The following MDGA1 variants were observed in gnomAD, a reference collection of about 807,000 sequenced individuals.
The protein encoded by MDGA1 is MAM domain-containing glycosylphosphatidylinositol anchor protein 1.
In MDGA1, 54 loss-of-function variants were observed where a neutral mutation model predicts 101.5. The ratio of observed to expected loss-of-function variants is 0.53; its 90% CI spans 0.43 to 0.67. The LOEUF is 0.67. Ranked by LOEUF, MDGA1 falls within the 30% of genes least tolerant of loss-of-function variation. The pLI is 0.00. For missense variants in MDGA1, 1,083 were observed against 1,323.8 expected (o/e 0.82, Z 2.82); for synonymous variants, 533 against 558.3 (o/e 0.95, Z 0.64).
chr6:37,646,453 C>T, intron 10 of MDGA1, 78 bp from the exon 11 acceptor site: 1 of 1,240,296 alleles, frequency 8.1e-7, no homozygotes, highest in Non-Finnish European at 1.1e-6. Context: ...GGACAATCAC[C>T]CCTTCCGTGC....
rs766765077 is a variant in MDGA1, at chr6:37,654,437, C to G, written c.819G>C (p.Leu273=). ...GTGGGCCAGGCCCATGGGACCACTGCAGCTGGGGGAGGGGATCACCGCCTG... is the reference window on the plus strand; with the variant it reads ...GTGGGCCAGGCCCATGGGACCACTGGAGCTGGGGGAGGGGATCACCGCCTG... ...LLTGGDPLPQ[L]QWSHGPGPLP... is the part of the protein sequence containing the mutation. Residue 273 remains leucine, a synonymous_variant, in exon 6 of 17, where the codon CTG becomes CTC. Transcript: ENST00000434837. 6.2e-7 allele frequency: 1 copy of G among 1,614,034 alleles called. No individual in the cohort carries two copies. The highest frequency in any genetic ancestry group is 2.2e-5 in the East Asian group (1 of 44,888).
intron 1 of MDGA1, among the ~76,000 whole-genome samples, chr6:37,676,812 G>A (rs1347970891): frequency 1.3e-5 from 2 of 151,478 alleles, no homozygotes; most frequent in Non-Finnish European, 2.9e-5. Flanking sequence ...CAGGAGAATT[G>A]CTTGAAGCCG....
chr6:37,654,638 G>T, intron 5 of MDGA1, 95 bp from the exon 6 acceptor site: 1 of 1,574,732 alleles, frequency 6.4e-7, no homozygotes, highest in Admixed American at 1.7e-5. Context: ...GGCTGGAGAA[G>T]CCCTCAGGGG....
rs773002700 is a variant in MDGA1, at chr6:37,696,665, C to T, written c.67+80G>A. The T allele has an allele frequency of 1.2e-5, 17 of 1,398,276 alleles. No homozygotes were observed. Among genetic ancestry groups the T allele is most frequent in the Non-Finnish European group, 1.6e-5 (16 of 1,008,110 alleles). The allele number at this position is 1,398,276 out of a possible 1,614,324, so 86.6% of individuals were successfully genotyped here. On this transcript the variant is annotated intron_variant, in intron 1 of 16. Transcript: ENST00000434837. This position sits in a 1 kb window ranked among gnomAD's most constrained non-coding sequence, Gnocchi z 5.6. ...GTCCGAGTCGAGGTCTCCACCAAAC[C>T]CCGGCAGCGCGCACTTTGCGCCTCT...
intron 8 of MDGA1, chr6:37,649,777 G>A: frequency 1.9e-6 from 1 of 535,706 alleles, no homozygotes; most frequent in Non-Finnish European, 3.5e-6. Flanking sequence ...GGCACATGGT[G>A]GTAATTTTCA....
intron 9 of MDGA1, 46 bp downstream of exon 9, chr6:37,648,935 GC>G: frequency 6.5e-7 from 1 of 1,533,070 alleles, no homozygotes; most frequent in East Asian, 2.5e-5. Context: ...GCAGAGCCTG[GC>G]CCCTGGTGGG....
rs1459930328 is a variant in MDGA1, at chr6:37,646,348, C to T, written c.2074G>A (p.Ala692Thr). ...TTCTCCACACGCCGGACCGGGATGG[C>T]CTTGACCACCGCATTGTGCTGGTTC... ...QLNQHNAVVK[A>T]IPVRRVEKGQ... Residue 692 changes from alanine to threonine, a missense_variant, in exon 11 of 17, where the codon GCC becomes ACC. Ala to Thr is a moderately conservative substitution (Grantham distance 58). Transcript: ENST00000434837. The T allele has an allele frequency of 6.4e-7, 1 of 1,561,140 alleles. No individual in the cohort carries two copies. Among genetic ancestry groups the T allele is most frequent in the Admixed American group, 1.9e-5 (1 of 53,346 alleles).
At position 37,647,274 on chromosome 6, in the gene MDGA1, T is replaced by G; in HGVS notation, c.1945A>C (p.Ser649Arg). ...GAGTAGTTCTTGGACAGCTTGTGGC[T>G]GCGGGTGGGGTTGGGGGTGTCGAAG... Reference protein sequence around the residue: ...FYFDTPNPTRSHKLSKNYSYV... With the variant: ...FYFDTPNPTRRHKLSKNYSYV... The change falls in exon 10 of 17, where the codon AGC becomes CGC. Residue 649 changes from serine (S) to arginine (R), a missense_variant. Transcript: ENST00000434837. 1.3e-6 allele frequency: 2 copies of G among 1,561,102 alleles called. No individual in the cohort carries two copies. The highest frequency in any genetic ancestry group is 1.7e-6 in the Non-Finnish European group (2 of 1,152,820).
chr6:37,658,250 A>G lies in MDGA1; in HGVS notation c.377T>C (p.Val126Ala), dbSNP rs763422699. 4 of 1,593,746 alleles carry G rather than the reference A, an allele frequency of 2.5e-6. No homozygotes were observed. In the East Asian group the frequency reaches 9.0e-5, roughly 36 times the overall value. ...GAGAGGGGGCCTCAACTCACACTGC[A>G]CGTCCACGCGGATGGACTTGATGGC... ...VPAIKSIRVD[V>A]QYLDEPMLTV... Residue 126 changes from valine (V) to alanine (A), a missense_variant, in exon 3 of 17, where the codon GTG (valine) becomes GCG (alanine). Val to Ala is a moderately conservative substitution (Grantham distance 64, BLOSUM62 0). This residue lies in a region of MDGA1 where 310 missense variants were observed against 355.9 expected (regional missense o/e 0.87). Coordinates refer to ENST00000434837, the MANE Select transcript of MDGA1 (RefSeq NM_153487.4).
rs1395729969 is a variant in MDGA1 at position 37,637,210 on chromosome 6, C to T, written c.*158G>A. On this transcript the variant is annotated 3_prime_UTR_variant, in exon 17 of 17. Transcript: ENST00000434837. ...CAGGGCCTCAGTGCCTGGCCTCTGT[C>T]CTTGTTCTCTGCTCATCCTTGCAGC... 1.6e-6 allele frequency: 1 copy of T among 606,182 alleles called. No individual in the cohort carries two copies. The highest frequency in any genetic ancestry group is 3.0e-6 in the Non-Finnish European group (1 of 336,682). The allele number at this position is 606,182 out of a possible 1,614,324, so 37.6% of individuals were successfully genotyped here. A position where few individuals can be genotyped will look rare whatever the true frequency, so the allele number is the denominator to read the frequency against.
At position 37,696,808 on chromosome 6, in the gene MDGA1, C is replaced by A; in HGVS notation, c.4G>T (p.Glu2Ter). 6.4e-7 allele frequency: 1 copy of A among 1,573,038 alleles called. No homozygotes were observed. The highest frequency in any genetic ancestry group is 8.6e-7 in the Non-Finnish European group (1 of 1,158,752). ...GCCAGAAGTAGAAGGCAGGTCACCT[C>A]CATCTTCACGGCCGGTGCTTCATCC... M[E>*]VTCLLLLALI... Residue 2 changes from glutamate to a stop codon, truncating the protein, a stop_gained, in exon 1 of 17, where the codon GAG becomes TAG. Coordinates refer to ENST00000434837, the MANE Select transcript of MDGA1 (RefSeq NM_153487.4). LOFTEE classifies it high-confidence loss of function. This position sits in a 1 kb window ranked among gnomAD's most constrained non-coding sequence, Gnocchi z 5.6.
intron 14 of MDGA1, among the ~76,000 whole-genome samples, chr6:37,640,514 GT>G (rs936020333): frequency 6.6e-6 from 1 of 152,168 alleles, no homozygotes; most frequent in African/African-American, 2.4e-5. Context: ...AATTTTAAAA[GT>G]TTTTTAGTAG....
At position 37,646,306 on chromosome 6, in the gene MDGA1, A is replaced by C. The variant is rs775637458; in HGVS notation, c.2116T>G (p.Tyr706Asp). 1 of 1,596,242 alleles carries C rather than the reference A, an allele frequency of 6.3e-7. No individual in the cohort carries two copies. Among genetic ancestry groups the C allele is most frequent in the South Asian group, 1.1e-5 (1 of 87,984 alleles). Residue 706 changes from tyrosine to aspartate, a missense_variant, in exon 11 of 17, where the codon TAC (tyrosine) becomes GAC (aspartate). By Grantham distance (160) the Tyr-to-Asp change is radical. Around this residue, in one of 3 missense-constraint regions of MDGA1, gnomAD observed 657 missense variants for 771.4 expected, o/e 0.85. Transcript: ENST00000434837. ...RRVEKGQLLE[Y>D]ILTDLRVPHS... ...GGCACACGGAGATCGGTCAGGATGT[A>C]CTCCAGCAGCTGCCCCTTCTCCACA...
intron 1 of MDGA1, among the ~76,000 whole-genome samples, chr6:37,675,597 G>T (rs6932664): frequency 0.18 from 28,041 of 152,026 alleles, 3,506 homozygotes; most frequent in East Asian, 0.44. Context: ...AATAATCACT[G>T]GGAGGAAAAG....
chr6:37,691,825 GA>G (rs1762313904), intron 1 of MDGA1, among the ~76,000 whole-genome samples: 1 of 152,230 alleles, frequency 6.6e-6, no homozygotes, highest in Admixed American at 6.5e-5. Context: ...AGATGCAGAA[GA>G]GGGGCCATGC....
At chr6:37,649,887 C>T (rs1437591633) in intron 8 of MDGA1, 7 of 715,152 alleles carry the variant, frequency 9.8e-6, no homozygotes, top group Admixed American at 8.1e-5. Flanking sequence ...TTTTGTTCAC[C>T]GGGTCCCTGA....
Position 37,638,569 on chromosome 6 carries a change from G to A in MDGA1, c.2635C>T (p.His879Tyr). 1 of 1,613,980 alleles carries A rather than the reference G, an allele frequency of 6.2e-7. No homozygotes were observed. The highest frequency in any genetic ancestry group is 1.1e-5 in the South Asian group (1 of 91,086). The part of the protein sequence containing the change: ...GNKGNVWQQA[H>Y]VPISPSGPFQ... ...GGCCCACTGGGGCTGATGGGCACAT[G>A]GGCCTGCTGCCACACATTGCCCTTA... The change falls in exon 15 of 17, where the codon CAT becomes TAT. Residue 879 changes from histidine to tyrosine, a missense_variant. By Grantham distance (83) the His-to-Tyr change is moderately conservative. Around this residue, in one of 3 missense-constraint regions of MDGA1, gnomAD observed 657 missense variants for 771.4 expected, o/e 0.85. Coordinates refer to ENST00000434837, the MANE Select transcript of MDGA1 (RefSeq NM_153487.4). This position sits in a 1 kb window ranked among gnomAD's most constrained non-coding sequence, Gnocchi z 4.8.
chr6:37,654,560 G>C lies in MDGA1; in HGVS notation c.713-17C>G, dbSNP rs1286221782. On this transcript the variant is annotated splice_polypyrimidine_tract_variant and intron_variant, in intron 5 of 16. Coordinates refer to ENST00000434837, the MANE Select transcript of MDGA1 (RefSeq NM_153487.4). ...CTGGTGGTGCTAAGAGGACAAGGAG[G>C]GGGGTCTTAGGGGACTGTGAGGCAG... 3.7e-6 allele frequency: 6 copies of C among 1,613,992 alleles called. No individual in the cohort carries two copies. The highest frequency in any genetic ancestry group is 5.1e-6 in the Non-Finnish European group (6 of 1,179,870).
At chr6:37,664,815 G>A (rs1475494220) in intron 1 of MDGA1, among the ~76,000 whole-genome samples, 2 of 120,864 alleles carry the variant, frequency 1.7e-5, no homozygotes, top group Non-Finnish European at 3.2e-5. Flanking sequence ...ACCATCTCAG[G>A]CTTTGCTTTT....
Sources: gnomAD v4.1 joint callset for allele counts (sites outside exome capture counted in the v4.1 genomes callset) on GRCh38, gnomAD v4.1.1 for gene constraint, gnomAD v4.1.1 regional missense constraint, Gnocchi (gnomAD v3.1) non-coding constraint, MANE v1.5 for transcripts, NCBI Gene and HGNC (gene_info 2026-07-23, HGNC 2026-07-21) for gene names.